The following RASEF variants were observed in gnomAD, a reference collection of about 807,000 sequenced individuals.
RASEF encodes RAS and EF-hand domain containing.
Under a neutral mutation model 90.1 loss-of-function variants are expected in RASEF, and 68 were observed. The observed-to-expected ratio is 0.75, with a 90% CI of 0.62 to 0.92. The LOEUF is 0.92. RASEF is among the 40% of genes least tolerant of loss of function. RASEF has a pLI of 0.00. For synonymous variants in RASEF, 331 were observed against 345.2 expected (o/e 0.96, Z 0.46); for missense variants, 949 against 937.2 (o/e 1.01, Z -0.16).
chr9:83,150,216 C>T, the RASEF span, among the ~76,000 whole-genome samples: 1 of 152,144 alleles, frequency 6.6e-6, no homozygotes, highest in East Asian at 1.9e-4. Flanking sequence ...AGCTGCCTTG[C>T]TCTCCAGGTG....
At position 83,000,259 on chromosome 9, in the gene RASEF, CA is replaced by C. The variant is rs1361223898; in HGVS notation, c.1632del (p.Ile544MetfsTer16). ...KSFSSQKAYKIVLAGDAAVGK... is the reference protein window; with the variant it reads ...KSFSSQKAYKXVLAGDAAVGK... The stretch of plus-strand genomic sequence containing the variant: ...CCCACTGCAGCGTCCCCAGCAAGTA[CA>C]ATCTTGTAAGCCTTCTGTGAGCTAA... On this transcript the variant is annotated frameshift_variant, in exon 12 of 17. Transcript: ENST00000376447. LOFTEE classifies it high-confidence loss of function. 1 of 1,614,126 alleles carries C rather than the reference CA, an allele frequency of 6.2e-7. No homozygotes were observed. Among genetic ancestry groups the C allele is most frequent in the Non-Finnish European group, 8.5e-7 (1 of 1,180,004 alleles).
chr9:82,995,965 T>C (rs1828910573), intron 14 of RASEF, among the ~76,000 whole-genome samples: 2 of 152,200 alleles, frequency 1.3e-5, no homozygotes, highest in South Asian at 4.1e-4. Flanking sequence ...GAGATGACTA[T>C]AACATGGGAA....
At chr9:83,119,926 A>G in the RASEF span, among the ~76,000 whole-genome samples, 7 of 152,248 alleles carry the variant, frequency 4.6e-5, no homozygotes, top group Non-Finnish European at 7.3e-5. Context: ...ACAATATTAA[A>G]TGTATTTCCT....
At chr9:83,181,297 T>A in the RASEF span, among the ~76,000 whole-genome samples, 1 of 151,816 alleles carries the variant, frequency 6.6e-6, no homozygotes, top group Non-Finnish European at 1.5e-5. Context: ...GATAGAATTG[T>A]TTTGTGTGAT....
chr9:83,114,808 T>C, the RASEF span, among the ~76,000 whole-genome samples: 1 of 152,186 alleles, frequency 6.6e-6, no homozygotes, highest in Non-Finnish European at 1.5e-5. Flanking sequence ...ATGTTATCAG[T>C]GACAATGTGT....
chr9:83,122,933 T>G, the RASEF span, among the ~76,000 whole-genome samples: 1 of 152,114 alleles, frequency 6.6e-6, no homozygotes, highest in African/African-American at 2.4e-5. Context: ...GTGAGGTATA[T>G]GCACTTGTCA....
At chr9:83,055,652 C>T in intron 1 of RASEF, 1 of 718,060 alleles carries the variant, frequency 1.4e-6, no homozygotes, top group Non-Finnish European at 2.6e-6. Context: ...CTCACGAACA[C>T]AAATGCAGGT....
chr9:83,119,696 T>G, the RASEF span, among the ~76,000 whole-genome samples: 2 of 152,140 alleles, frequency 1.3e-5, no homozygotes, highest in African/African-American at 4.8e-5. Flanking sequence ...AAATCTCACT[T>G]TGTAGCTCCC....
chr9:83,072,618 GT>G, the RASEF span, among the ~76,000 whole-genome samples: 1 of 151,854 alleles, frequency 6.6e-6, no homozygotes, highest in Non-Finnish European at 1.5e-5. Context: ...AACCACTAGT[GT>G]AAGTCCAAGA....
At chr9:83,112,048 T>C in the RASEF span, among the ~76,000 whole-genome samples, 221 of 152,124 alleles carry the variant, frequency 1.5e-3, 1 homozygote, top group African/African-American at 5.2e-3. Context: ...AATGTATTAA[T>C]AAATGTTCAA....
intron 9 of RASEF, among the ~76,000 whole-genome samples, chr9:83,003,946 A>C (rs1829083086): frequency 6.6e-6 from 1 of 152,226 alleles, no homozygotes; most frequent in Non-Finnish European, 1.5e-5. Context: ...CAAGTAATAA[A>C]AGGCCTAATA....
At chr9:83,103,264 G>T in the RASEF span, among the ~76,000 whole-genome samples, 3 of 152,108 alleles carry the variant, frequency 2.0e-5, no homozygotes, top group Non-Finnish European at 4.4e-5. Context: ...AACCTCTGAG[G>T]TTCTTTTAAA....
chr9:83,134,767 G>C, the RASEF span, among the ~76,000 whole-genome samples: 1 of 152,030 alleles, frequency 6.6e-6, no homozygotes, highest in African/African-American at 2.4e-5. Context: ...GTACACCCAA[G>C]AGAATTGAAA....
At chr9:83,012,412 TA>T in intron 5 of RASEF, 21 bp downstream of exon 5, 1 of 1,360,980 alleles carries the variant, frequency 7.3e-7, no homozygotes, top group Non-Finnish European at 1.0e-6. Flanking sequence ...TGCATTTCTG[TA>T]AGTGAAAAGG....
chr9:83,015,747 G>A, intron 4 of RASEF, 58 bp downstream of exon 4: 1 of 1,232,458 alleles, frequency 8.1e-7, no homozygotes, highest in Non-Finnish European at 1.2e-6. Context: ...GTTGTTAATG[G>A]CTTAGATACC....
intron 16 of RASEF, among the ~76,000 whole-genome samples, chr9:82,989,514 G>A (rs1233945027): frequency 2.6e-5 from 4 of 152,038 alleles, no homozygotes; most frequent in Non-Finnish European, 4.4e-5. Context: ...CACTGCACCC[G>A]GCCCTAAGTC....
chr9:83,047,781 G>A (rs145547562), intron 1 of RASEF, among the ~76,000 whole-genome samples: 277 of 152,292 alleles, frequency 1.8e-3, no homozygotes, highest in African/African-American at 6.3e-3. Context: ...AAACTTAGAA[G>A]GGAAATAAGT....
chr9:82,992,988 C>A lies in RASEF; in HGVS notation c.1958G>T (p.Gly653Val), dbSNP rs1828842294. The A allele has an allele frequency of 7.4e-6, 12 of 1,613,982 alleles. No individual in the cohort carries two copies. The highest frequency in any genetic ancestry group is 1.0e-5 in the Non-Finnish European group (12 of 1,179,946). ...AGTGTCACGAATGTCAGCCTTGTTTCCTACCAGCATAATGGGAACAGTCTC... is the reference window on the plus strand; with the variant it reads ...AGTGTCACGAATGTCAGCCTTGTTTACTACCAGCATAATGGGAACAGTCTC... ...AHETVPIMLV[G>V]NKADIRDTAA... Residue 653 changes from glycine to valine, a missense_variant, in exon 15 of 17, where the codon GGA becomes GTA. Gly to Val is a moderately radical substitution (Grantham distance 109). Transcript: ENST00000376447.
rs116040654 is a variant in RASEF at position 83,062,907 on chromosome 9, G to A, written c.-40C>T. Reference sequence around the variant, plus strand: ...GCGGCCGAGAGGGCTCCGGAGCGCCGCGGGGCGCAGGGCCCTCCCTGGAAG... The same window carrying A: ...GCGGCCGAGAGGGCTCCGGAGCGCCACGGGGCGCAGGGCCCTCCCTGGAAG... On this transcript the variant is annotated 5_prime_UTR_variant, in exon 1 of 17. Coordinates refer to ENST00000376447, the MANE Select transcript of RASEF (RefSeq NM_152573.4). 3,579 of 1,403,500 alleles carry A rather than the reference G, an allele frequency of 2.6e-3. 62 individuals carry two copies. The African/African-American group carries it at 0.049, about 19-fold the overall frequency. The allele number at this position is 1,403,500 out of a possible 1,614,324, so 86.9% of individuals were successfully genotyped here. A position where few individuals can be genotyped will look rare whatever the true frequency, so the allele number is the denominator to read the frequency against.
Sources: allele counts gnomAD v4.1 joint callset (sites outside exome capture counted in the v4.1 genomes callset), GRCh38; gene constraint gnomAD v4.1.1; transcripts MANE v1.5; gene names NCBI Gene and HGNC (gene_info 2026-07-23, HGNC 2026-07-21).